SPOCK3: variants seen among roughly 807,000 people sequenced by gnomAD.
The protein encoded by SPOCK3 is testican-3.
Under a neutral mutation model 56.6 loss-of-function variants are expected in SPOCK3, and 30 were observed. That is an observed-to-expected ratio of 0.53 (90% CI 0.40 to 0.72). The LOEUF (loss-of-function observed/expected upper bound fraction) is 0.72. Ranked by LOEUF, SPOCK3 falls within the 30% of genes least tolerant of loss-of-function variation. The pLI, the probability that SPOCK3 is intolerant of heterozygous loss-of-function variation, is 0.00. For missense variants in SPOCK3, 527 were observed against 530.0 expected (o/e 0.99, Z 0.06); for synonymous variants, 196 against 183.3 (o/e 1.07, Z -0.56).
chr4:166,744,590 C>T (rs1049376963), intron 8 of SPOCK3, among the ~76,000 whole-genome samples: 23 of 152,264 alleles, frequency 1.5e-4, no homozygotes, highest in East Asian at 3.9e-4. Flanking sequence ...TCCAAAGGAA[C>T]GCAGCTCCTC....
chr4:167,122,152 T>TTC (rs547205872), intron 2 of SPOCK3, among the ~76,000 whole-genome samples: 43 of 149,992 alleles, frequency 2.9e-4, no homozygotes, highest in Admixed American at 9.3e-4. Context: ...TCTTTTCTCA[T>TTC]TCTCTCTCTC....
At chr4:167,116,850 T>TAG (rs1761452609) in intron 2 of SPOCK3, among the ~76,000 whole-genome samples, 1 of 142,858 alleles carries the variant, frequency 7.0e-6, no homozygotes, top group East Asian at 2.0e-4. Flanking sequence ...TACTTTTATA[T>TAG]ATATACTTTT....
intron 6 of SPOCK3, among the ~76,000 whole-genome samples, chr4:166,866,780 A>G (rs1168220293): frequency 6.6e-6 from 1 of 152,048 alleles, no homozygotes; most frequent in Non-Finnish European, 1.5e-5. Flanking sequence ...GAGCTAATGA[A>G]ATACCTGCAA....
At chr4:167,028,165 T>A (rs1220489152) in intron 3 of SPOCK3, among the ~76,000 whole-genome samples, 1 of 151,928 alleles carries the variant, frequency 6.6e-6, no homozygotes, top group African/African-American at 2.4e-5. Context: ...GGCAGGAGGA[T>A]CACTTGAAGC....
chr4:166,852,037 T>G (rs1730163807), intron 6 of SPOCK3, among the ~76,000 whole-genome samples: 1 of 150,466 alleles, frequency 6.6e-6, no homozygotes, highest in Admixed American at 6.7e-5. Context: ...CTCAGTAAAC[T>G]ATCGCAAGAA....
chr4:167,127,668 T>C (rs940240332), intron 2 of SPOCK3, among the ~76,000 whole-genome samples: 1 of 152,150 alleles, frequency 6.6e-6, no homozygotes, highest in Non-Finnish European at 1.5e-5. Flanking sequence ...CCTCAGGAGA[T>C]CCACTCACCT....
intron 2 of SPOCK3, among the ~76,000 whole-genome samples, chr4:167,130,406 GA>G (rs1228321767): frequency 6.6e-6 from 1 of 151,868 alleles, no homozygotes; most frequent in African/African-American, 2.4e-5. Context: ...GTAATATATG[GA>G]ATATAAGAAT....
At chr4:166,810,998 T>G (rs1221344208) in intron 6 of SPOCK3, among the ~76,000 whole-genome samples, 1 of 151,896 alleles carries the variant, frequency 6.6e-6, no homozygotes, top group Non-Finnish European at 1.5e-5. Flanking sequence ...TTCTTCAGTA[T>G]TTATCTAGTT....
chr4:167,204,730 A>G (rs558164600), intron 2 of SPOCK3, among the ~76,000 whole-genome samples: 1 of 152,026 alleles, frequency 6.6e-6, no homozygotes, highest in Non-Finnish European at 1.5e-5. Flanking sequence ...CATGAGAAAA[A>G]AATCATCTTC....
chr4:167,014,422 G>A (rs990804965), intron 3 of SPOCK3, among the ~76,000 whole-genome samples: 7 of 151,958 alleles, frequency 4.6e-5, no homozygotes, highest in African/African-American at 1.4e-4. Flanking sequence ...GAGGCAGGAG[G>A]ATTGCTTGAG....
chr4:166,837,471 T>A (rs1746742224), intron 6 of SPOCK3, among the ~76,000 whole-genome samples: 1 of 152,146 alleles, frequency 6.6e-6, no homozygotes. Flanking sequence ...ACCTGGCCTG[T>A]ATAGCTTTTT....
At position 166,790,749 on chromosome 4, in the gene SPOCK3, G is replaced by A. The variant is rs141237277; in HGVS notation, c.709+1421C>T. On this transcript the variant is annotated intron_variant, in intron 7 of 10. Coordinates refer to ENST00000357545, the MANE Select transcript of SPOCK3 (RefSeq NM_001040159.2). ...TATCTATCTCCATATCTGGAAGTGC[G>A]CATCAGTCTGAACTCAAGCTTAGGT... 7.4e-3 allele frequency among the ~76,000 whole-genome samples: 1,129 copies of A among 152,266 alleles called. 8 individuals carry two copies. Among genetic ancestry groups the A allele is most frequent in the Non-Finnish European group, 0.013 (859 of 68,024 alleles).
chr4:167,007,884 AT>A (rs1364439701), intron 3 of SPOCK3, among the ~76,000 whole-genome samples: 7 of 152,140 alleles, frequency 4.6e-5, no homozygotes, highest in Admixed American at 3.9e-4. Context: ...CAGTCTAATG[AT>A]GCTAAGGTAT....
intron 3 of SPOCK3, among the ~76,000 whole-genome samples, chr4:167,057,438 A>G (rs1193617453): frequency 2.0e-5 from 3 of 152,114 alleles, no homozygotes; most frequent in Non-Finnish European, 2.9e-5. Context: ...ACATAACAAT[A>G]TTAACTTTAA....
chr4:167,048,262 G>A (rs1050276367), intron 3 of SPOCK3, among the ~76,000 whole-genome samples: 2 of 151,354 alleles, frequency 1.3e-5, no homozygotes, highest in African/African-American at 4.9e-5. Context: ...AGACATCTAA[G>A]ACTATGTAAA....
chr4:166,968,103 A>G (rs1744943732), intron 4 of SPOCK3, among the ~76,000 whole-genome samples: 1 of 152,204 alleles, frequency 6.6e-6, no homozygotes, highest in South Asian at 2.1e-4. Flanking sequence ...TCTAAGCAGC[A>G]AAGTGTTCAA....
At chr4:166,822,359 G>A (rs1579325241) in intron 6 of SPOCK3, among the ~76,000 whole-genome samples, 1 of 151,948 alleles carries the variant, frequency 6.6e-6, no homozygotes, top group Non-Finnish European at 1.5e-5. Context: ...AGTCATTATG[G>A]GAATTATAGG....
intron 4 of SPOCK3, among the ~76,000 whole-genome samples, chr4:166,918,891 A>G (rs1441452365): frequency 6.6e-6 from 1 of 151,992 alleles, no homozygotes; most frequent in Non-Finnish European, 1.5e-5. Context: ...TCCTTGCTCT[A>G]TTAGTTCTGG....
intron 2 of SPOCK3, among the ~76,000 whole-genome samples, chr4:167,202,782 CT>C (rs930392626): frequency 2.6e-5 from 4 of 151,132 alleles, no homozygotes; most frequent in East Asian, 1.9e-4. Flanking sequence ...ATGGAGATTG[CT>C]TTTTTTCCCC....
Sources: allele counts gnomAD v4.1 joint callset (sites outside exome capture counted in the v4.1 genomes callset), GRCh38; gene constraint gnomAD v4.1.1; transcripts MANE v1.5; gene names NCBI Gene and HGNC (gene_info 2026-07-23, HGNC 2026-07-21).